ZNF277: variants seen among roughly 807,000 people sequenced by gnomAD.
ZNF277 encodes nuclear receptor-interacting factor 4.
A neutral mutation model predicts 60.7 loss-of-function variants in ZNF277; 55 were observed. The ratio of observed to expected loss-of-function variants is 0.91; its 90% CI spans 0.73 to 1.13. ZNF277 has a LOEUF of 1.13. ZNF277 is among the 50% of genes most tolerant of loss of function. The pLI is 0.00. For missense variants in ZNF277, 510 were observed against 523.0 expected, an observed-to-expected ratio of 0.98 and a Z score of 0.24; for synonymous variants, 178 against 179.3, an observed-to-expected ratio of 0.99 and a Z score of 0.06.
At chr7:112,231,334 G>A (rs1429800818) in intron 1 of ZNF277, among the ~76,000 whole-genome samples, 3 of 152,134 alleles carry the variant, frequency 2.0e-5, no homozygotes, top group Middle Eastern at 3.2e-3. Flanking sequence ...AAACCAGAAA[G>A]GGGAAATGCT....
At chr7:112,330,376 A>C in intron 7 of ZNF277, 160 bp downstream of exon 7, 1 of 669,052 alleles carries the variant, frequency 1.5e-6, no homozygotes, top group Non-Finnish European at 2.5e-6. Context: ...TTAGAGTACA[A>C]GACATTTGAT....
rs777277724 is a variant in ZNF277, at chr7:112,206,800, T to C, written c.84T>C (p.Gly28=). 6 of 1,612,338 alleles carry C rather than the reference T, an allele frequency of 3.7e-6. No homozygotes were observed. Among genetic ancestry groups the C allele is most frequent in the Non-Finnish European group, 5.1e-6 (6 of 1,179,404 alleles). The change falls in exon 1 of 12, where the codon GGT becomes GGC. Residue 28 remains glycine, a synonymous_variant. Transcript: ENST00000361822. ...DGSCSTVGGV[G]YGDSKDCILE... ...GCTGCAGCACAGTCGGGGGTGTAGG[T>C]TATGGGGGTGAGTACGGTGCCCCGG...
chr7:112,301,576 C>G (rs779833551), intron 4 of ZNF277, among the ~76,000 whole-genome samples: 4 of 152,066 alleles, frequency 2.6e-5, no homozygotes, highest in Non-Finnish European at 4.4e-5. Context: ...TAGGTACTTT[C>G]AGGATTCTGC....
chr7:112,268,588 G>C (rs1791598894), intron 1 of ZNF277, among the ~76,000 whole-genome samples: 1 of 151,410 alleles, frequency 6.6e-6, no homozygotes, highest in Non-Finnish European at 1.5e-5. Context: ...AACACAAGAA[G>C]TACAAAAAAA....
intron 1 of ZNF277, among the ~76,000 whole-genome samples, chr7:112,233,104 G>T (rs1054207826): frequency 2.0e-5 from 3 of 152,078 alleles, no homozygotes; most frequent in African/African-American, 7.2e-5. Flanking sequence ...TCTTGTTAAT[G>T]CTTCGTTTTC....
At chr7:112,341,183 A>G (rs2117148647) in intron 11 of ZNF277, 137 bp downstream of exon 11, 2 of 665,466 alleles carry the variant, frequency 3.0e-6, no homozygotes, top group Non-Finnish European at 2.2e-6. Context: ...CAGTGTGGGG[A>G]AAAATGTAAA....
chr7:112,238,888 C>T (rs1014207300), intron 1 of ZNF277, among the ~76,000 whole-genome samples: 2 of 151,806 alleles, frequency 1.3e-5, no homozygotes, highest in Non-Finnish European at 2.9e-5. Context: ...GATTTTGGCG[C>T]GTACCGCCCT....
chr7:112,269,206 TTTTG>T (rs1391639275), intron 1 of ZNF277, among the ~76,000 whole-genome samples: 2 of 56,260 alleles, frequency 3.6e-5, no homozygotes, highest in African/African-American at 1.5e-4. Flanking sequence ...AATGGATTTT[TTTTG>T]TTTTTTTTTT....
intron 4 of ZNF277, among the ~76,000 whole-genome samples, chr7:112,302,461 A>G (rs1228684036): frequency 6.6e-6 from 1 of 152,164 alleles, no homozygotes; most frequent in Non-Finnish European, 1.5e-5. Flanking sequence ...GGCACAATAC[A>G]TACAAGTTCT....
intron 10 of ZNF277, 101 bp downstream of exon 10, chr7:112,339,986 A>G: frequency 5.7e-6 from 6 of 1,046,062 alleles, no homozygotes; most frequent in Non-Finnish European, 8.7e-6. Flanking sequence ...AGAGTGCACC[A>G]CCAAAACATG....
chr7:112,254,087 T>C (rs1039142380), intron 1 of ZNF277, among the ~76,000 whole-genome samples: 2 of 152,204 alleles, frequency 1.3e-5, no homozygotes, highest in African/African-American at 4.8e-5. Context: ...GAAATCAGTA[T>C]TTTGGAATCT....
At chr7:112,233,739 C>T (rs142798242) in intron 1 of ZNF277, among the ~76,000 whole-genome samples, 4 of 152,252 alleles carry the variant, frequency 2.6e-5, no homozygotes, top group African/African-American at 9.6e-5. Context: ...TGAGACTTCA[C>T]CTCTAAATAT....
chr7:112,311,030 G>A (rs1182875171), intron 4 of ZNF277, among the ~76,000 whole-genome samples: 1 of 152,026 alleles, frequency 6.6e-6, no homozygotes, highest in Non-Finnish European at 1.5e-5. Flanking sequence ...GTCCCTTTAA[G>A]CATCAGTTTT....
Position 112,287,094 on chromosome 7 carries a change from T to C in ZNF277, c.293+20T>C. ...CCAAAGGTAAGTTCTGTTTTTGTCC[T>C]TAAAAGAATTAAATTTGACCATGTG... On this transcript the variant is annotated intron_variant, in intron 2 of 11. Coordinates refer to ENST00000361822, the MANE Select transcript of ZNF277 (RefSeq NM_021994.3). The C allele has an allele frequency of 1.2e-6, 2 of 1,611,868 alleles. No individual in the cohort carries two copies. The highest frequency in any genetic ancestry group is 1.7e-6 in the Non-Finnish European group (2 of 1,178,152).
intron 1 of ZNF277, among the ~76,000 whole-genome samples, chr7:112,253,012 T>C (rs1301303775): frequency 1.3e-5 from 2 of 152,106 alleles, no homozygotes; most frequent in African/African-American, 4.8e-5. Flanking sequence ...AATCACAATA[T>C]GGTTTGATAA....
chr7:112,250,516 T>A (rs922565411), intron 1 of ZNF277, among the ~76,000 whole-genome samples: 5 of 152,180 alleles, frequency 3.3e-5, no homozygotes, highest in Non-Finnish European at 5.9e-5. Flanking sequence ...TTTTTGCAGT[T>A]TGTGGGGCAT....
At chr7:112,302,835 A>G (rs1177227662) in intron 4 of ZNF277, among the ~76,000 whole-genome samples, 1 of 152,100 alleles carries the variant, frequency 6.6e-6, no homozygotes, top group Non-Finnish European at 1.5e-5. Context: ...ATACAGTGTT[A>G]AATAGAAAGG....
At chr7:112,320,153 T>C (rs1000362916) in intron 5 of ZNF277, among the ~76,000 whole-genome samples, 4 of 152,238 alleles carry the variant, frequency 2.6e-5, no homozygotes, top group South Asian at 4.1e-4. Context: ...ATTCTTACAG[T>C]ATTAGTATTT....
chr7:112,280,386 C>A (rs139070324), intron 1 of ZNF277, among the ~76,000 whole-genome samples: 32 of 152,272 alleles, frequency 2.1e-4, no homozygotes, highest in South Asian at 1.2e-3. Context: ...AAAAATTCAA[C>A]TTCCTTGGAA....
Sources: gnomAD v4.1 joint callset for allele counts (sites outside exome capture counted in the v4.1 genomes callset) on GRCh38, gnomAD v4.1.1 for gene constraint, MANE v1.5 for transcripts, NCBI Gene and HGNC (gene_info 2026-07-23, HGNC 2026-07-21) for gene names.